TEX26: variants seen among roughly 807,000 people sequenced by gnomAD.
TEX26 encodes the protein testis-expressed protein 26.
In TEX26, 34 loss-of-function variants were observed where a neutral mutation model predicts 35.3. That is an observed-to-expected ratio of 0.96 (90% CI 0.73 to 1.28). The LOEUF (loss-of-function observed/expected upper bound fraction) is 1.28, where lower values mean the gene tolerates loss of function less well. TEX26 is among the 50% of genes most tolerant of loss of function. The probability of loss-of-function intolerance (pLI) is 0.00; values close to 1 mark genes in which losing one functional copy is unlikely to be tolerated. For synonymous variants in TEX26, 136 were observed against 111.8 expected, an observed-to-expected ratio of 1.22 and a Z score of -1.36; for missense variants, 371 against 330.1, an observed-to-expected ratio of 1.12 and a Z score of -0.96.
At chr13:30,932,939 C>T in intron 1 of TEX26, 163 bp downstream of exon 1, 8 of 674,668 alleles carry the variant, frequency 1.2e-5, no homozygotes, top group Non-Finnish European at 1.9e-5. Context: ...ATGACAGGGC[C>T]TTCATGACGC....
At chr13:30,963,424 T>C (rs1469155466) in intron 4 of TEX26, among the ~76,000 whole-genome samples, 1 of 152,202 alleles carries the variant, frequency 6.6e-6, no homozygotes, top group Non-Finnish European at 1.5e-5. Flanking sequence ...GAACCTGTCT[T>C]CCAAATAACG....
chr13:30,974,461 T>C (rs537807174), intron 6 of TEX26, among the ~76,000 whole-genome samples: 41 of 152,334 alleles, frequency 2.7e-4, no homozygotes, highest in Non-Finnish European at 5.4e-4. Flanking sequence ...TCACACACAG[T>C]GTCCCTAATC....
chr13:30,966,541 G>T lies in TEX26; in HGVS notation c.646+143G>T, dbSNP rs540208247. On this transcript the variant is annotated intron_variant, in intron 5 of 6. Coordinates refer to ENST00000380473, the MANE Select transcript of TEX26 (RefSeq NM_152325.3). ...AGATCTCCGCCTCCTGGGTTCAAGC[G>T]ATTCTCCTGCCTCAGCCTCCCGAGT... The T allele has an allele frequency of 1.7e-5, 12 of 704,986 alleles. No individual in the cohort carries two copies. In the South Asian group the frequency reaches 1.8e-4, roughly 11 times the overall value. 43.7% of individuals were successfully genotyped at this position (704,986 alleles called of 1,614,324 possible). A position where few individuals can be genotyped will look rare whatever the true frequency, so the allele number is the denominator to read the frequency against.
rs547264938 is a variant in TEX26, at chr13:30,946,614, T to A, written c.147-6046T>A. 3.4e-4 allele frequency among the ~76,000 whole-genome samples: 52 copies of A among 152,116 alleles called. 1 individual carries two copies. In the South Asian group the frequency reaches 5.6e-3, roughly 16 times the overall value. On this transcript the variant is annotated intron_variant, in intron 2 of 6. Coordinates refer to ENST00000380473, the MANE Select transcript of TEX26 (RefSeq NM_152325.3). ...TGAATTTATTTTTTATTTGATTTTT[T>A]AAAATTTCTTTTTTCCCCCTTAAGG... is the stretch of plus-strand genomic sequence containing the variant.
Sources: allele counts gnomAD v4.1 joint callset (sites outside exome capture counted in the v4.1 genomes callset), GRCh38; gene constraint gnomAD v4.1.1; transcripts MANE v1.5; gene names NCBI Gene and HGNC (gene_info 2026-07-23, HGNC 2026-07-21).